Variants in DISC1 observed in about 807,000 individuals in gnomAD.
DISC1 encodes the protein disrupted in schizophrenia 1 protein.
A neutral mutation model predicts 84.5 loss-of-function variants in DISC1; 57 were observed. The observed-to-expected ratio is 0.67, with a 90% CI of 0.55 to 0.84. The LOEUF is 0.84. Ranked by LOEUF, DISC1 falls within the 40% of genes least tolerant of loss-of-function variation. The pLI is 0.00. For missense variants in DISC1, 1,000 were observed against 1,057.8 expected, an observed-to-expected ratio of 0.95 and a Z score of 0.76; for synonymous variants, 411 against 415.2, an observed-to-expected ratio of 0.99 and a Z score of 0.12.
chr1:231,882,154 GCTAA>G (rs1187343117), intron 9 of DISC1, among the ~76,000 whole-genome samples: 5 of 152,174 alleles, frequency 3.3e-5, no homozygotes, highest in Admixed American at 2.6e-4. Context: ...ATTGTTAACG[GCTAA>G]CTTTTGGGTG....
intron 11 of DISC1, among the ~76,000 whole-genome samples, chr1:232,019,335 T>C (rs1340713405): frequency 1.3e-5 from 2 of 152,174 alleles, no homozygotes; most frequent in East Asian, 1.9e-4. Context: ...GGTTAAATGA[T>C]GGGACGGATG....
chr1:231,664,844 T>C (rs1052261789), intron 1 of DISC1, among the ~76,000 whole-genome samples: 1 of 152,012 alleles, frequency 6.6e-6, no homozygotes, highest in Non-Finnish European at 1.5e-5. Context: ...TTAGAAATAT[T>C]TTTGGAGATT....
chr1:231,806,364 C>T (rs1158953510), intron 8 of DISC1, among the ~76,000 whole-genome samples: 1 of 152,214 alleles, frequency 6.6e-6, no homozygotes, highest in African/African-American at 2.4e-5. Context: ...TGTGCAGTCT[C>T]CTGACTGGCC....
chr1:231,694,187 G>A lies in DISC1; in HGVS notation c.429G>A (p.Trp143Ter). The A allele has an allele frequency of 6.2e-7, 1 of 1,614,184 alleles. No homozygotes were observed. Among genetic ancestry groups the A allele is most frequent in the Non-Finnish European group, 8.5e-7 (1 of 1,180,034 alleles). ...SWPCGPGSAG[W>*]QQEFAAMDSS... is the part of the protein sequence containing the mutation. ...CGTGTGGCCCTGGGAGTGCTGGGTG[G>A]CAGCAAGAGTTTGCAGCCATGGATA... Residue 143 changes from tryptophan (W) to a stop codon, truncating the protein, a stop_gained, in exon 2 of 13, where the codon TGG becomes TGA. Coordinates refer to ENST00000439617, the MANE Select transcript of DISC1 (RefSeq NM_018662.3). LOFTEE classifies it high-confidence loss of function.
At chr1:231,757,125 A>G (rs16854911) in intron 4 of DISC1, among the ~76,000 whole-genome samples, 4,983 of 152,300 alleles carry the variant, frequency 0.033, 185 homozygotes, top group African/African-American at 0.091. Context: ...AACATGAACA[A>G]TGTTAAATAC....
At chr1:231,998,009 C>T (rs1012777261) in intron 10 of DISC1, among the ~76,000 whole-genome samples, 1 of 152,024 alleles carries the variant, frequency 6.6e-6, no homozygotes, top group African/African-American at 2.4e-5. Flanking sequence ...ACACACATAT[C>T]AAATATTCCC....
chr1:231,705,111 A>G (rs1418879739), intron 3 of DISC1, among the ~76,000 whole-genome samples: 1 of 150,894 alleles, frequency 6.6e-6, no homozygotes, highest in African/African-American at 2.4e-5. Flanking sequence ...ACATAGTGAA[A>G]CCCCGTCTCT....
At chr1:231,824,778 C>T (rs1001950887) in intron 9 of DISC1, among the ~76,000 whole-genome samples, 8 of 152,158 alleles carry the variant, frequency 5.3e-5, no homozygotes, top group African/African-American at 1.2e-4. Flanking sequence ...ATGTGAGGCT[C>T]AATGAGTGAA....
In DISC1 at chr1:231,778,028, A is replaced by G. The variant is rs1489055387; in HGVS notation, c.1634+6958A>G. Among the ~76,000 whole-genome samples the G allele has an allele frequency of 5.9e-5, 9 of 152,182 alleles. No homozygotes were observed. In the East Asian group the frequency reaches 1.7e-3, roughly 29 times the overall value. On this transcript the variant is annotated intron_variant, in intron 6 of 12. Coordinates refer to ENST00000439617, the MANE Select transcript of DISC1 (RefSeq NM_018662.3). The stretch of plus-strand genomic sequence containing the variant: ...TTAGTCCAGCAATGGAAAGAAGTCC[A>G]GCCCAGCAGAGCCGTGGGTCTGTGG...
At chr1:231,765,142 A>G (rs1394070192) in intron 4 of DISC1, among the ~76,000 whole-genome samples, 2 of 145,970 alleles carry the variant, frequency 1.4e-5, no homozygotes, top group Non-Finnish European at 3.0e-5. Flanking sequence ...GTGAGCCAAT[A>G]TCATGCCACT....
chr1:231,930,043 C>T (rs760491062), intron 9 of DISC1, among the ~76,000 whole-genome samples: 3 of 152,066 alleles, frequency 2.0e-5, no homozygotes, highest in Non-Finnish European at 4.4e-5. Flanking sequence ...AGAGATGGCC[C>T]GAAAACCCCT....
intron 10 of DISC1, among the ~76,000 whole-genome samples, chr1:231,964,407 T>C (rs938806754): frequency 1.3e-5 from 2 of 152,210 alleles, no homozygotes; most frequent in Non-Finnish European, 2.9e-5. Context: ...CAGTCTCAAA[T>C]GACCGTGATA....
At chr1:231,701,633 T>TGA (rs2124891055) in intron 2 of DISC1, among the ~76,000 whole-genome samples, 1 of 152,368 alleles carries the variant, frequency 6.6e-6, no homozygotes, top group African/African-American at 2.4e-5. Flanking sequence ...AGAGACCATT[T>TGA]GGTCAGGAAA....
intron 9 of DISC1, among the ~76,000 whole-genome samples, chr1:231,935,211 A>G (rs1037872697): frequency 3.9e-5 from 6 of 152,202 alleles, no homozygotes; most frequent in Non-Finnish European, 7.3e-5. Flanking sequence ...ACAGGGGAAA[A>G]CAAGACATTT....
chr1:231,702,223 G>C (rs1287818299), intron 3 of DISC1, 199 bp downstream of exon 3: 1 of 1,312,056 alleles, frequency 7.6e-7, no homozygotes, highest in African/African-American at 1.5e-5. Context: ...AATCCTTTGG[G>C]TTATAAATAT....
intron 9 of DISC1, among the ~76,000 whole-genome samples, chr1:231,901,904 C>T (rs2088210247): frequency 6.6e-6 from 1 of 152,090 alleles, no homozygotes; most frequent in Non-Finnish European, 1.5e-5. Context: ...AACCTTAGTG[C>T]TTGCATCAGT....
chr1:232,021,465 C>G (rs1427529555), intron 11 of DISC1, among the ~76,000 whole-genome samples: 1 of 152,132 alleles, frequency 6.6e-6, no homozygotes, highest in Admixed American at 6.5e-5. Flanking sequence ...GCAGTGGTCA[C>G]TTGTTGTAAT....
chr1:231,973,571 C>T (rs1221705574), intron 10 of DISC1, among the ~76,000 whole-genome samples: 2 of 152,204 alleles, frequency 1.3e-5, no homozygotes, highest in African/African-American at 4.8e-5. Flanking sequence ...TTCGACAATG[C>T]GGTTGATAAA....
intron 9 of DISC1, among the ~76,000 whole-genome samples, chr1:231,957,370 C>CT (rs909106617): frequency 5.3e-5 from 8 of 151,704 alleles, no homozygotes; most frequent in Admixed American, 2.0e-4. Flanking sequence ...CACTTGCTGT[C>CT]TTTTTTTTTC....
Sources: gnomAD v4.1 joint callset for allele counts (sites outside exome capture counted in the v4.1 genomes callset) on GRCh38, gnomAD v4.1.1 for gene constraint, MANE v1.5 for transcripts, NCBI Gene and HGNC (gene_info 2026-07-23, HGNC 2026-07-21) for gene names.